The following SLC25A21 variants were observed in gnomAD, a reference collection of about 807,000 sequenced individuals.
SLC25A21 encodes the protein solute carrier family 25 member 21.
A neutral mutation model predicts 43.8 loss-of-function variants in SLC25A21; 47 were observed. The ratio of observed to expected loss-of-function variants is 1.07; its 90% CI spans 0.85 to 1.37. The LOEUF (loss-of-function observed/expected upper bound fraction) is 1.37. SLC25A21 is among the 40% of genes most tolerant of loss of function. The pLI, the probability that SLC25A21 is intolerant of heterozygous loss-of-function variation, is 0.00. For synonymous variants in SLC25A21, 131 were observed against 121.3 expected, an observed-to-expected ratio of 1.08 and a Z score of -0.52; for missense variants, 352 against 350.2, an observed-to-expected ratio of 1.00 and a Z score of -0.04.
chr14:36,768,413 ATTATTAAAATTT>A (rs1886492642), intron 3 of SLC25A21, among the ~76,000 whole-genome samples: 1 of 152,240 alleles, frequency 6.6e-6, no homozygotes, highest in Non-Finnish European at 1.5e-5. Flanking sequence ...AATTTTTTTA[ATTATTAAAATTT>A]TTATTAAAAT....
intron 1 of SLC25A21, among the ~76,000 whole-genome samples, chr14:36,997,684 C>T (rs1960401106): frequency 6.6e-6 from 1 of 151,942 alleles, no homozygotes; most frequent in Non-Finnish European, 1.5e-5. Context: ...CAAAAATTAG[C>T]CGGGCATAGT....
chr14:36,704,532 CT>C (rs1883416046), intron 7 of SLC25A21, among the ~76,000 whole-genome samples: 1 of 151,864 alleles, frequency 6.6e-6, no homozygotes, highest in South Asian at 2.1e-4. Flanking sequence ...TGGTGCGCAC[CT>C]GTAATCCCAG....
At chr14:37,113,044 G>T (rs993182909) in intron 1 of SLC25A21, among the ~76,000 whole-genome samples, 1 of 152,102 alleles carries the variant, frequency 6.6e-6, no homozygotes. Flanking sequence ...AATCTTCAGG[G>T]AGTCTTAACT....
intron 1 of SLC25A21, among the ~76,000 whole-genome samples, chr14:37,116,282 G>A (rs374767925): frequency 6.6e-6 from 1 of 152,060 alleles, no homozygotes; most frequent in African/African-American, 2.4e-5. Flanking sequence ...GTCCCACTCC[G>A]GGTAGATAAT....
intron 1 of SLC25A21, among the ~76,000 whole-genome samples, chr14:36,971,305 C>T (rs1168950786): frequency 6.6e-6 from 1 of 152,166 alleles, no homozygotes; most frequent in Non-Finnish European, 1.5e-5. Context: ...TAGAAGCTTG[C>T]ACAGGTGAAT....
chr14:36,766,289 A>G (rs2139289977), intron 3 of SLC25A21, among the ~76,000 whole-genome samples: 1 of 152,350 alleles, frequency 6.6e-6, no homozygotes, highest in South Asian at 2.1e-4. Context: ...GTATTACTTT[A>G]TACAATATTG....
In SLC25A21 at chr14:36,886,836, TC is replaced by T. The variant is rs562327904; in HGVS notation, c.71-11833del. On this transcript the variant is annotated intron_variant, in intron 1 of 9. Coordinates refer to ENST00000331299, the MANE Select transcript of SLC25A21 (RefSeq NM_030631.4). ...AACTCAATAGAAGTTATTCTTGTCT[TC>T]CTCTTTGTTATTTAACTCTATTTTA... is the stretch of plus-strand genomic sequence containing the variant. Among the ~76,000 whole-genome samples, 508 of 152,304 alleles carry T rather than the reference TC, an allele frequency of 3.3e-3. 2 individuals carry two copies. The highest frequency in any genetic ancestry group is 5.4e-3 in the Non-Finnish European group (365 of 68,028).
In SLC25A21 at chr14:36,957,045, C is replaced by T. The variant is rs899188279; in HGVS notation, c.71-82041G>A. Among the ~76,000 whole-genome samples, 9 of 152,306 alleles carry T rather than the reference C, an allele frequency of 5.9e-5. No individual in the cohort carries two copies. In the South Asian group the frequency reaches 1.0e-3, roughly 18 times the overall value. ...CTGAAAAGCTGATTGCAGATTCTAA[C>T]GATGCTATTTGTTGCCAAAGTGTAT... On this transcript the variant is annotated intron_variant, in intron 1 of 9. Coordinates refer to ENST00000331299, the MANE Select transcript of SLC25A21 (RefSeq NM_030631.4).
chr14:36,785,871 G>A (rs540738056), intron 3 of SLC25A21, among the ~76,000 whole-genome samples: 2 of 152,246 alleles, frequency 1.3e-5, no homozygotes, highest in African/African-American at 4.8e-5. Context: ...GGTTAAGTTG[G>A]GGGACTCTTA....
intron 1 of SLC25A21, among the ~76,000 whole-genome samples, chr14:36,913,400 C>A (rs187065835): frequency 6.6e-6 from 1 of 152,216 alleles, no homozygotes; most frequent in Admixed American, 6.5e-5. Flanking sequence ...GCCATCCTCC[C>A]GAGTAGTTGG....
chr14:36,947,396 T>C (rs111300601), intron 1 of SLC25A21, among the ~76,000 whole-genome samples: 2,630 of 152,246 alleles, frequency 0.017, 70 homozygotes, highest in African/African-American at 0.059. Context: ...AGTAATAATG[T>C]GGGATGTGTA....
chr14:36,925,978 G>GAAGA (rs1892120426), intron 1 of SLC25A21, among the ~76,000 whole-genome samples: 2 of 152,148 alleles, frequency 1.3e-5, no homozygotes, highest in Admixed American at 6.6e-5. Flanking sequence ...TAGGTCTACA[G>GAAGA]AAGACCTAAC....
chr14:36,847,060 T>G (rs2138508672), intron 2 of SLC25A21, among the ~76,000 whole-genome samples: 1 of 152,338 alleles, frequency 6.6e-6, no homozygotes, highest in East Asian at 1.9e-4. Context: ...GCAGAATTAT[T>G]GATTATGGGA....
intron 7 of SLC25A21, among the ~76,000 whole-genome samples, chr14:36,702,921 C>T (rs139275239): frequency 6.6e-6 from 1 of 152,184 alleles, no homozygotes; most frequent in African/African-American, 2.4e-5. Flanking sequence ...TCCCATACCC[C>T]CTCCCCGCTA....
intron 2 of SLC25A21, among the ~76,000 whole-genome samples, chr14:36,841,929 CA>C (rs1889398030): frequency 6.6e-6 from 1 of 152,132 alleles, no homozygotes; most frequent in Admixed American, 6.5e-5. Flanking sequence ...TTCTTTTTAC[CA>C]AAACTAAATC....
At chr14:36,823,245 C>T (rs1250553061) in intron 2 of SLC25A21, among the ~76,000 whole-genome samples, 1 of 152,084 alleles carries the variant, frequency 6.6e-6, no homozygotes, top group Admixed American at 6.6e-5. Flanking sequence ...TGTTAAACCA[C>T]AAGTAATAAA....
intron 3 of SLC25A21, among the ~76,000 whole-genome samples, chr14:36,797,620 T>C (rs1311839303): frequency 6.6e-6 from 1 of 152,188 alleles, no homozygotes. Flanking sequence ...CTCTGAACAG[T>C]AGCATCTTCC....
rs75377432 is a variant in SLC25A21, at chr14:36,888,147, C to A, written c.71-13143G>T. Among the ~76,000 whole-genome samples, 658 of 152,268 alleles carry A rather than the reference C, an allele frequency of 4.3e-3. 1 individual carries two copies. The highest frequency in any genetic ancestry group is 6.5e-3 in the Non-Finnish European group (443 of 68,016). On this transcript the variant is annotated intron_variant, in intron 1 of 9. Transcript: ENST00000331299. ...CTTACCAGCATGCTACTGCCCAAAT[C>A]TGACCATAAATTCTGTTGCTTAGCC...
At chr14:36,933,450 T>C (rs1892343924) in intron 1 of SLC25A21, among the ~76,000 whole-genome samples, 1 of 152,036 alleles carries the variant, frequency 6.6e-6, no homozygotes, top group South Asian at 2.1e-4. Context: ...AGCAGAGCCA[T>C]TTGTTAACCT....
Sources: allele counts gnomAD v4.1 joint callset (sites outside exome capture counted in the v4.1 genomes callset), GRCh38; gene constraint gnomAD v4.1.1; transcripts MANE v1.5; gene names NCBI Gene and HGNC (gene_info 2026-07-23, HGNC 2026-07-21).